The following CACNA1E variants were observed in gnomAD, a reference collection of about 807,000 sequenced individuals.
CACNA1E encodes the protein calcium voltage-gated channel subunit alpha1 E.
Under a neutral mutation model 259.2 loss-of-function variants are expected in CACNA1E, and 40 were observed. The ratio of observed to expected loss-of-function variants is 0.15; its 90% CI spans 0.12 to 0.20. CACNA1E has a LOEUF of 0.20. Among genes scored for constraint, CACNA1E ranks in the 10% least tolerant of loss-of-function variants. CACNA1E has a pLI of 1.00. For missense variants in CACNA1E, 1,874 were observed against 3,040.1 expected, an observed-to-expected ratio of 0.62 and a Z score of 9.02; for synonymous variants, 1,104 against 1,138.5, an observed-to-expected ratio of 0.97 and a Z score of 0.61.
chr1:181,577,730 C>T (rs1388514697), intron 3 of CACNA1E, 36 bp from the exon 4 acceptor site: 3 of 1,418,878 alleles, frequency 2.1e-6, no homozygotes, highest in South Asian at 2.4e-5. Flanking sequence ...GAAAACCAGA[C>T]TGGTAACCTT....
chr1:181,395,694 G>C (rs561941200), intron 1 of CACNA1E, among the ~76,000 whole-genome samples: 2 of 152,294 alleles, frequency 1.3e-5, no homozygotes, highest in East Asian at 3.9e-4. Context: ...AGCGGCATGA[G>C]GGCCTCCAGC....
intron 3 of CACNA1E, among the ~76,000 whole-genome samples, chr1:181,518,332 C>A (rs1239760302): frequency 6.6e-6 from 1 of 151,986 alleles, no homozygotes; most frequent in Non-Finnish European, 1.5e-5. Flanking sequence ...GCTGGCTGCT[C>A]CTCTGACAGA....
chr1:181,697,874 T>C (rs1034903028), intron 7 of CACNA1E, among the ~76,000 whole-genome samples: 2 of 152,248 alleles, frequency 1.3e-5, no homozygotes, highest in Non-Finnish European at 2.9e-5. Context: ...GCAGATCTAC[T>C]GTTGCCTATA....
At position 181,319,589 on chromosome 1, in the gene CACNA1E, G is replaced by GT. The variant is rs529765771; in HGVS notation, c.-15+1472dup. Among the ~76,000 whole-genome samples, 302 of 152,302 alleles carry GT rather than the reference G, an allele frequency of 2.0e-3. 2 individuals are homozygous for GT. The highest frequency in any genetic ancestry group is 6.7e-3 in the African/African-American group (279 of 41,558). On this transcript the variant is annotated intron_variant, in intron 1 of 11. Transcript: ENST00000524607. The stretch of plus-strand genomic sequence containing the variant: ...TGCTAAGTTTCTGACCAGCTAAGAA[G>GT]TTTTTTACCACTTTGTAGTATAGTG...
chr1:181,676,526 A>G (rs1649396457), intron 7 of CACNA1E, among the ~76,000 whole-genome samples: 1 of 152,080 alleles, frequency 6.6e-6, no homozygotes, highest in Non-Finnish European at 1.5e-5. Context: ...GGTGTACATT[A>G]TGATGTCTCT....
chr1:181,430,901 C>T (rs184947696), intron 2 of CACNA1E, among the ~76,000 whole-genome samples: 2 of 152,180 alleles, frequency 1.3e-5, no homozygotes, highest in Admixed American at 6.5e-5. Flanking sequence ...ACATAAGTTA[C>T]TTAGCCTTCC....
chr1:181,743,801 G>A (rs1161115820), intron 25 of CACNA1E, among the ~76,000 whole-genome samples: 2 of 152,226 alleles, frequency 1.3e-5, no homozygotes, highest in African/African-American at 4.8e-5. Flanking sequence ...AGCGCTCCTG[G>A]ATTGGATTCT....
chr1:181,588,975 G>T (rs1251984048), intron 6 of CACNA1E, among the ~76,000 whole-genome samples: 2 of 152,226 alleles, frequency 1.3e-5, no homozygotes, highest in Non-Finnish European at 2.9e-5. Flanking sequence ...GGAAAGCCAA[G>T]AAGTCTTTAT....
At chr1:181,440,756 T>C (rs1219921853) in intron 2 of CACNA1E, among the ~76,000 whole-genome samples, 1 of 151,766 alleles carries the variant, frequency 6.6e-6, no homozygotes, top group African/African-American at 2.4e-5. Flanking sequence ...GGGTAGGCCT[T>C]GGATTGCCTG....
At chr1:181,593,284 G>A (rs1481493796) in intron 6 of CACNA1E, among the ~76,000 whole-genome samples, 1 of 152,084 alleles carries the variant, frequency 6.6e-6, no homozygotes, top group East Asian at 1.9e-4. Context: ...TGGTTGCTTC[G>A]GGAGCATGTA....
intron 7 of CACNA1E, among the ~76,000 whole-genome samples, chr1:181,679,558 A>G (rs548893197): frequency 2.8e-4 from 43 of 152,192 alleles, no homozygotes; most frequent in Non-Finnish European, 5.9e-4. Context: ...GCCACAAGGT[A>G]TCCTTTCACA....
Position 181,774,850 on chromosome 1 carries a change from T to TATCA in CACNA1E, c.5140-1250_5140-1247dup, listed in dbSNP as rs750585518. On this transcript the variant is annotated intron_variant, in intron 37 of 47. Transcript: ENST00000367573. Reference sequence around the variant, plus strand: ...TCCAGTTTTCCCACCAGTTGTTATCTATCAGGCAGGACCCTTTCACTTACA... The same window carrying TATCA: ...TCCAGTTTTCCCACCAGTTGTTATCTATCAATCAGGCAGGACCCTTTCACTTACA... 5.3e-5 allele frequency among the ~76,000 whole-genome samples: 8 copies of TATCA among 152,316 alleles called. No homozygotes were observed. The South Asian group carries it at 1.0e-3, about 20-fold the overall frequency.
At chr1:181,515,815 C>T (rs1230875736) in intron 3 of CACNA1E, among the ~76,000 whole-genome samples, 2 of 152,204 alleles carry the variant, frequency 1.3e-5, no homozygotes, top group African/African-American at 4.8e-5. Flanking sequence ...CCACTCATCT[C>T]TATATGCCCA....
At position 181,370,261 on chromosome 1, in the gene CACNA1E, T is replaced by G. The variant is rs181893085; in HGVS notation, c.-14-42872T>G. ...ATACTCTAACTATTCACACTTGTATTGTTTCATAGTTTTTTTTTTTTTTTC... is the reference window on the plus strand; with the variant it reads ...ATACTCTAACTATTCACACTTGTATGGTTTCATAGTTTTTTTTTTTTTTTC... On this transcript the variant is annotated intron_variant, in intron 1 of 11. Transcript: ENST00000524607. 2.1e-3 allele frequency among the ~76,000 whole-genome samples: 314 copies of G among 152,204 alleles called. 3 individuals carry two copies. The highest frequency in any genetic ancestry group is 7.1e-3 in the African/African-American group (294 of 41,522).
chr1:181,772,386 G>T (rs112613545), intron 37 of CACNA1E, among the ~76,000 whole-genome samples, 155 bp downstream of exon 37: 1 of 151,878 alleles, frequency 6.6e-6, no homozygotes, highest in South Asian at 2.1e-4. Context: ...TCACACTCAC[G>T]TCCACACCCA....
chr1:181,672,378 T>C (rs1648899478), intron 7 of CACNA1E, among the ~76,000 whole-genome samples: 1 of 152,134 alleles, frequency 6.6e-6, no homozygotes, highest in South Asian at 2.1e-4. Context: ...TAAAATAAAG[T>C]AACTTTTGAA....
intron 7 of CACNA1E, among the ~76,000 whole-genome samples, chr1:181,664,002 G>A (rs1647948994): frequency 6.6e-6 from 1 of 152,200 alleles, no homozygotes; most frequent in South Asian, 2.1e-4. Context: ...AAGGCTGTTG[G>A]AAGCAGAAAA....
chr1:181,752,145 C>A lies in CACNA1E; in HGVS notation c.3734C>A (p.Thr1245Asn). Residue 1245 changes from threonine to asparagine, a missense_variant and splice_region_variant, in exon 27 of 48, where the codon ACC becomes AAC. Thr to Asn is a moderately conservative substitution (Grantham distance 65). Coordinates refer to ENST00000367573, the MANE Select transcript of CACNA1E (RefSeq NM_001205293.3). ...CCCTGGGGGCCTCTCCCCTGCAGAACCAACAAAGGACGGGACATCAAGACC... is the reference window on the plus strand; with the variant it reads ...CCCTGGGGGCCTCTCCCCTGCAGAAACAACAAAGGACGGGACATCAAGACC... ...VAFALANALGTNKGRDIKTIK... is the reference protein window; with the variant it reads ...VAFALANALGNNKGRDIKTIK... The A allele has an allele frequency of 6.2e-7, 1 of 1,612,274 alleles. No individual in the cohort carries two copies. The highest frequency in any genetic ancestry group is 2.2e-5 in the East Asian group (1 of 44,878).
At position 181,793,649 on chromosome 1, in the gene CACNA1E, G is replaced by C. The variant is rs773203892; in HGVS notation, c.5899-16G>C. ...GGAACCAAGTCCCACAAGCTTGGCT[G>C]TGTGTTTATTTCCAGGAGCCAGAGG... is the stretch of plus-strand genomic sequence containing the variant. On this transcript the variant is annotated splice_polypyrimidine_tract_variant and intron_variant, in intron 44 of 47. Transcript: ENST00000367573. 1.6e-5 allele frequency: 26 copies of C among 1,606,738 alleles called. No individual in the cohort carries two copies. Among genetic ancestry groups the C allele is most frequent in the Non-Finnish European group, 2.1e-5 (25 of 1,177,300 alleles).
Sources: allele counts gnomAD v4.1 joint callset (sites outside exome capture counted in the v4.1 genomes callset), GRCh38; gene constraint gnomAD v4.1.1; transcripts MANE v1.5; gene names NCBI Gene and HGNC (gene_info 2026-07-23, HGNC 2026-07-21).